ABTB3: variants seen among roughly 807,000 people sequenced by gnomAD.
The protein encoded by ABTB3 is ankyrin repeat and BTB domain containing 3.
the ABTB3 span, among the ~76,000 whole-genome samples, chr12:107,513,444 GT>G: frequency 1.3e-5 from 2 of 152,152 alleles, no homozygotes; most frequent in African/African-American, 2.4e-5. Flanking sequence ...AGATCTGATG[GT>G]TTTGTAAATG....
At chr12:107,482,033 C>G in the ABTB3 span, among the ~76,000 whole-genome samples, 1 of 152,014 alleles carries the variant, frequency 6.6e-6, no homozygotes, top group African/African-American at 2.4e-5. Flanking sequence ...AAGTGATGCC[C>G]TGAATGACCA....
chr12:107,618,411 T>G, the ABTB3 span: 26 of 1,577,348 alleles, frequency 1.6e-5, no homozygotes, highest in African/African-American at 3.2e-4. Context: ...ACGGGCACCA[T>G]GGTGCCCCCA....
At chr12:107,343,514 T>C in the ABTB3 span, among the ~76,000 whole-genome samples, 149 of 152,330 alleles carry the variant, frequency 9.8e-4, no homozygotes, top group Non-Finnish European at 1.7e-3. Flanking sequence ...TGCCACAATG[T>C]GTTTGACTGC....
the ABTB3 span, among the ~76,000 whole-genome samples, chr12:107,424,538 C>A: frequency 1.3e-5 from 2 of 152,228 alleles, no homozygotes; most frequent in Non-Finnish European, 2.9e-5. Context: ...GTTTGAGCCC[C>A]AGCTCTGCTA....
chr12:107,419,385 C>T, the ABTB3 span, among the ~76,000 whole-genome samples: 2 of 152,208 alleles, frequency 1.3e-5, no homozygotes, highest in Admixed American at 6.5e-5. Context: ...ATGATCTGGC[C>T]TCTGCCTGCC....
At chr12:107,558,823 A>G in the ABTB3 span, among the ~76,000 whole-genome samples, 3 of 152,182 alleles carry the variant, frequency 2.0e-5, no homozygotes, top group Non-Finnish European at 4.4e-5. Flanking sequence ...TTAACAGATG[A>G]GAAGAGTGAG....
chr12:107,645,508 T>C, the ABTB3 span, among the ~76,000 whole-genome samples: 1 of 112,152 alleles, frequency 8.9e-6, no homozygotes, highest in Non-Finnish European at 2.1e-5. Flanking sequence ...CCCAGACCTG[T>C]TCTCTTAAAT....
chr12:107,367,220 C>G, the ABTB3 span, among the ~76,000 whole-genome samples: 1 of 152,132 alleles, frequency 6.6e-6, no homozygotes, highest in Non-Finnish European at 1.5e-5. Context: ...ACCTTCATAC[C>G]AAGGGGGTGG....
the ABTB3 span, among the ~76,000 whole-genome samples, chr12:107,525,940 C>T: frequency 6.6e-6 from 1 of 152,180 alleles, no homozygotes; most frequent in African/African-American, 2.4e-5. Flanking sequence ...TTGCCCAAGG[C>T]CACTCAGCTA....
the ABTB3 span, among the ~76,000 whole-genome samples, chr12:107,453,519 A>G: frequency 3.0e-3 from 450 of 152,326 alleles, 6 homozygotes; most frequent in African/African-American, 0.011. Context: ...GGCCCTTGCC[A>G]GACAACAAAT....
chr12:107,567,811 G>A, the ABTB3 span, among the ~76,000 whole-genome samples: 1 of 152,266 alleles, frequency 6.6e-6, no homozygotes, highest in South Asian at 2.1e-4. Flanking sequence ...GATGATCTGA[G>A]GTGGAACAGT....
the ABTB3 span, chr12:107,615,153 T>C: frequency 6.2e-7 from 1 of 1,612,326 alleles, no homozygotes; most frequent in South Asian, 1.1e-5. Flanking sequence ...GACATATTCC[T>C]GTAGTTCAGG....
chr12:107,599,086 C>T, the ABTB3 span, among the ~76,000 whole-genome samples: 5 of 152,200 alleles, frequency 3.3e-5, no homozygotes, highest in Admixed American at 3.3e-4. Flanking sequence ...TCAAGGCCAC[C>T]ATGAAATTCC....
the ABTB3 span, among the ~76,000 whole-genome samples, chr12:107,443,810 G>A: frequency 1.1e-3 from 160 of 152,314 alleles, no homozygotes; most frequent in African/African-American, 3.6e-3. Flanking sequence ...GGGGAGCCTG[G>A]TCGGGACACT....
At chr12:107,553,293 G>A in the ABTB3 span, among the ~76,000 whole-genome samples, 2 of 152,158 alleles carry the variant, frequency 1.3e-5, no homozygotes, top group African/African-American at 4.8e-5. Flanking sequence ...TACTTTATGT[G>A]TATTAACTCA....
At chr12:107,453,592 T>C in the ABTB3 span, among the ~76,000 whole-genome samples, 1 of 152,234 alleles carries the variant, frequency 6.6e-6, no homozygotes, top group Admixed American at 6.5e-5. Flanking sequence ...ATGTCTGCTG[T>C]TTATAAGCCA....
At chr12:107,586,933 G>A in the ABTB3 span, among the ~76,000 whole-genome samples, 1 of 152,222 alleles carries the variant, frequency 6.6e-6, no homozygotes. Flanking sequence ...TTGAAATCCT[G>A]GAGAATAAAC....
the ABTB3 span, among the ~76,000 whole-genome samples, chr12:107,580,455 G>C: frequency 2.0e-5 from 3 of 152,240 alleles, no homozygotes; most frequent in African/African-American, 7.2e-5. Flanking sequence ...TTAGCAGGCA[G>C]GGAACTTGAG....
chr12:107,501,013 G>T, the ABTB3 span, among the ~76,000 whole-genome samples: 1 of 151,990 alleles, frequency 6.6e-6, no homozygotes, highest in Non-Finnish European at 1.5e-5. Flanking sequence ...ACCTATTGCC[G>T]GCTCTGTGAC....
Sources: allele counts gnomAD v4.1 joint callset (sites outside exome capture counted in the v4.1 genomes callset), GRCh38; gene constraint gnomAD v4.1.1; transcripts MANE v1.5; gene names NCBI Gene and HGNC (gene_info 2026-07-23, HGNC 2026-07-21).